Variants in WWTR1 observed in about 807,000 individuals in gnomAD.
The protein encoded by WWTR1 is WW domain containing transcription regulator 1.
A neutral mutation model predicts 40.1 loss-of-function variants in WWTR1; 13 were observed. That is an observed-to-expected ratio of 0.32 (90% CI 0.21 to 0.52). The LOEUF (loss-of-function observed/expected upper bound fraction) is 0.52. WWTR1 is among the 20% of genes least tolerant of loss of function. The pLI is 0.97. For missense variants in WWTR1, 436 were observed against 523.1 expected (o/e 0.83, Z 1.63); for synonymous variants, 230 against 210.1 (o/e 1.09, Z -0.82).
At chr3:149,593,195 G>A (rs1213741550) in intron 2 of WWTR1, among the ~76,000 whole-genome samples, 1 of 152,180 alleles carries the variant, frequency 6.6e-6, no homozygotes, top group Non-Finnish European at 1.5e-5. Flanking sequence ...GACTACCAGT[G>A]GCAGAGCCCC....
chr3:149,527,879 T>C lies in WWTR1; in HGVS notation c.862A>G (p.Met288Val). ...GAGCTATTATTAGTGATGGATCTCA[T>C]GTCTGGGGTCATCGTGGGTGGGTTG... ...AVNPPTMTPD[M>V]RSITNNSSDP... Residue 288 changes from methionine (M) to valine (V), a missense_variant, in exon 5 of 7, where the codon ATG becomes GTG. Coordinates refer to ENST00000360632, the MANE Select transcript of WWTR1 (RefSeq NM_015472.6). 6.2e-7 allele frequency: 1 copy of C among 1,614,156 alleles called. No individual in the cohort carries two copies. The highest frequency in any genetic ancestry group is 8.5e-7 in the Non-Finnish European group (1 of 1,180,010).
At chr3:149,616,751 C>A (rs2108077252) in intron 2 of WWTR1, among the ~76,000 whole-genome samples, 1 of 152,204 alleles carries the variant, frequency 6.6e-6, no homozygotes, top group Admixed American at 6.5e-5. Flanking sequence ...CTGCTGTCCT[C>A]TCTTTTAATA....
At chr3:149,550,742 A>ATTT (rs1736581442) in intron 3 of WWTR1, among the ~76,000 whole-genome samples, 1 of 145,270 alleles carries the variant, frequency 6.9e-6, no homozygotes, top group African/African-American at 2.6e-5. Context: ...AAAATACAGG[A>ATTT]AAAGCAAGGG....
intron 1 of WWTR1, among the ~76,000 whole-genome samples, chr3:149,692,464 C>A (rs1035503316): frequency 6.6e-6 from 1 of 152,064 alleles, no homozygotes; most frequent in African/African-American, 2.4e-5. Flanking sequence ...ATGATGAAAA[C>A]CCTCAACAAA....
intron 1 of WWTR1, among the ~76,000 whole-genome samples, chr3:149,691,504 A>G (rs918980723): frequency 1.3e-5 from 2 of 152,112 alleles, no homozygotes; most frequent in African/African-American, 4.8e-5. Flanking sequence ...AGAAGTTCAA[A>G]AGATCATTAG....
At chr3:149,656,785 TCTCTCTCA>T (rs1308378722) in intron 2 of WWTR1, 83 bp downstream of exon 2, 33 of 876,542 alleles carry the variant, frequency 3.8e-5, no homozygotes, top group South Asian at 4.7e-5. Flanking sequence ...TCTCTCTCTC[TCTCTCTCA>T]CACACACACA....
intron 2 of WWTR1, among the ~76,000 whole-genome samples, chr3:149,622,498 G>GAAAGAAAGAAAGA (rs1560089724): frequency 0.014 from 695 of 50,144 alleles, 4 homozygotes; most frequent in East Asian, 0.019. Context: ...AGGAAGGAAG[G>GAAAGAAAGAAAGA]AAGGAAGAAA....
At chr3:149,539,503 G>A (rs969384115) in intron 4 of WWTR1, among the ~76,000 whole-genome samples, 15 of 152,282 alleles carry the variant, frequency 9.9e-5, no homozygotes, top group South Asian at 4.1e-4. Flanking sequence ...AATTAAGGCC[G>A]CCTACAAGCA....
At chr3:149,717,242 T>C (rs1327951462) in intron 5 of WWTR1, among the ~76,000 whole-genome samples, 1 of 152,210 alleles carries the variant, frequency 6.6e-6, no homozygotes, top group African/African-American at 2.4e-5. Context: ...ACTTCTATTA[T>C]CTCACTTTAT....
chr3:149,528,726 G>A (rs1355188577), intron 4 of WWTR1, among the ~76,000 whole-genome samples: 2 of 152,010 alleles, frequency 1.3e-5, no homozygotes, highest in South Asian at 2.1e-4. Context: ...CAGAGATCAC[G>A]ACACTGTACT....
At chr3:149,604,942 G>A (rs1739416546) in intron 2 of WWTR1, among the ~76,000 whole-genome samples, 1 of 152,214 alleles carries the variant, frequency 6.6e-6, no homozygotes. Context: ...TGAGGTTCAT[G>A]GTCACCTTAT....
At chr3:149,673,124 C>T (rs1038854940) in intron 1 of WWTR1, among the ~76,000 whole-genome samples, 5 of 151,752 alleles carry the variant, frequency 3.3e-5, no homozygotes, top group African/African-American at 1.2e-4. Flanking sequence ...GCCTGTAATC[C>T]CAGCACTTTG....
At chr3:149,526,270 T>C (rs935832639) in intron 5 of WWTR1, 145 bp from the exon 6 acceptor site, 4 of 468,010 alleles carry the variant, frequency 8.5e-6, no homozygotes, top group African/African-American at 8.0e-5. Context: ...AGTTTTAATT[T>C]TGAAATACAT....
At chr3:149,708,838 A>T (rs1715398183) in intron 5 of WWTR1, among the ~76,000 whole-genome samples, 1 of 152,084 alleles carries the variant, frequency 6.6e-6, no homozygotes, top group Non-Finnish European at 1.5e-5. Flanking sequence ...CAGAAGAAGG[A>T]TTTCTGTATT....
intron 5 of WWTR1, among the ~76,000 whole-genome samples, chr3:149,711,517 C>A (rs888957160): frequency 2.0e-5 from 3 of 152,122 alleles, no homozygotes; most frequent in African/African-American, 7.2e-5. Flanking sequence ...AACAATCTAG[C>A]CAGCTTCTGG....
intron 2 of WWTR1, among the ~76,000 whole-genome samples, chr3:149,653,738 A>T (rs1021746838): frequency 3.3e-5 from 5 of 152,116 alleles, no homozygotes; most frequent in African/African-American, 1.2e-4. Context: ...GACATGGGGG[A>T]AAGGTGTCGG....
intron 1 of WWTR1, among the ~76,000 whole-genome samples, chr3:149,679,217 G>C (rs1714375186): frequency 1.3e-5 from 2 of 152,236 alleles, no homozygotes; most frequent in Non-Finnish European, 2.9e-5. Flanking sequence ...TCTGACTTCT[G>C]TTGGGTTGGC....
intron 6 of WWTR1, among the ~76,000 whole-genome samples, chr3:149,521,750 T>C (rs752017829): frequency 2.6e-5 from 4 of 152,194 alleles, no homozygotes; most frequent in Non-Finnish European, 2.9e-5. Flanking sequence ...ATGAAGAATA[T>C]AGGTTCTTTA....
upstream of WWTR1, among the ~76,000 whole-genome samples, chr3:149,707,512 A>G (rs1029638120): frequency 1.3e-5 from 2 of 152,180 alleles, no homozygotes; most frequent in African/African-American, 2.4e-5. Flanking sequence ...TCCTCATTAA[A>G]TTAATAGATG....
Sources: allele counts gnomAD v4.1 joint callset (sites outside exome capture counted in the v4.1 genomes callset), GRCh38; gene constraint gnomAD v4.1.1; transcripts MANE v1.5; gene names NCBI Gene and HGNC (gene_info 2026-07-23, HGNC 2026-07-21).